Variants in LDB2 observed in about 807,000 individuals in gnomAD.
The protein encoded by LDB2 is LIM domain-binding protein 2.
In LDB2, 12 loss-of-function variants were observed where a neutral mutation model predicts 44.3. The observed-to-expected ratio is 0.27, with a 90% confidence interval of 0.17 to 0.44. The LOEUF is 0.44. Ranked by LOEUF, LDB2 falls within the 20% of genes least tolerant of loss-of-function variation. The pLI is 1.00. For missense variants in LDB2, 344 were observed against 473.5 expected, an observed-to-expected ratio of 0.73 and a Z score of 2.54; for synonymous variants, 164 against 174.8, an observed-to-expected ratio of 0.94 and a Z score of 0.49.
At chr4:16,680,494 G>T (rs1387974944) in intron 2 of LDB2, among the ~76,000 whole-genome samples, 1 of 152,122 alleles carries the variant, frequency 6.6e-6, no homozygotes, top group African/African-American at 2.4e-5. Flanking sequence ...GGGTCCTTAT[G>T]GTATGCAGGG....
intron 2 of LDB2, among the ~76,000 whole-genome samples, chr4:16,696,600 T>C (rs1752184958): frequency 6.6e-6 from 1 of 152,130 alleles, no homozygotes; most frequent in African/African-American, 2.4e-5. Flanking sequence ...AACAGAACCC[T>C]GTCAGCAAAG....
chr4:16,511,838 G>T (rs1237236904), intron 6 of LDB2, 143 bp downstream of exon 6: 38 of 912,394 alleles, frequency 4.2e-5, no homozygotes, highest in Non-Finnish European at 5.7e-5. Flanking sequence ...TTGTCTTTAT[G>T]TCCACAACCA....
chr4:16,502,922 G>A (rs1409028840), intron 7 of LDB2, 49 bp from the exon 8 acceptor site: 2 of 1,607,806 alleles, frequency 1.2e-6, no homozygotes, highest in South Asian at 1.1e-5. Context: ...GGAGAGAGAA[G>A]CTCAGCTTAA....
At chr4:16,742,884 C>G (rs1176857020) in intron 2 of LDB2, among the ~76,000 whole-genome samples, 1 of 152,188 alleles carries the variant, frequency 6.6e-6, no homozygotes, top group African/African-American at 2.4e-5. Context: ...CCCCTCGCCT[C>G]TATTTCTGCC....
chr4:16,614,618 A>C (rs1726683929), intron 2 of LDB2, among the ~76,000 whole-genome samples: 1 of 150,454 alleles, frequency 6.6e-6, no homozygotes, highest in Non-Finnish European at 1.5e-5. Context: ...ACCCCATCAA[A>C]AAAAGTGGGC....
chr4:16,821,292 G>A (rs78081097), intron 1 of LDB2, among the ~76,000 whole-genome samples: 2,689 of 152,178 alleles, frequency 0.018, 89 homozygotes, highest in African/African-American at 0.056. Flanking sequence ...GGTATCAAGA[G>A]TGTTATTTTT....
chr4:16,616,799 T>G lies in LDB2; in HGVS notation c.236-20924A>C, dbSNP rs1456102292. On this transcript the variant is annotated intron_variant, in intron 2 of 7. Coordinates refer to ENST00000304523, the MANE Select transcript of LDB2 (RefSeq NM_001290.5). Reference sequence around the variant, plus strand: ...GTAAAAGTCCCCTGACACCACCCCATGTCAATATAAATGTATTATGTACCT... The same window carrying G: ...GTAAAAGTCCCCTGACACCACCCCAGGTCAATATAAATGTATTATGTACCT... Among the ~76,000 whole-genome samples, 3 of 152,142 alleles carry G rather than the reference T, an allele frequency of 2.0e-5. 1 individual carries two copies. The highest frequency in any genetic ancestry group is 3.9e-4 in the East Asian group (2 of 5,190).
At chr4:16,709,051 C>T (rs1047950334) in intron 2 of LDB2, among the ~76,000 whole-genome samples, 3 of 151,690 alleles carry the variant, frequency 2.0e-5, no homozygotes, top group Non-Finnish European at 4.4e-5. Context: ...ATCTGCTCAG[C>T]ATCAGGCTTG....
Position 16,582,629 on chromosome 4 carries a change from A to G in LDB2, c.615+3293T>C, listed in dbSNP as rs1048657400. On this transcript the variant is annotated intron_variant, in intron 5 of 7. Transcript: ENST00000304523. The surrounding 1 kb of genome is among the most constrained non-coding windows in gnomAD (Gnocchi z 4.8). ...TATCGGAATACCCAACAGCAACAAA[A>G]TAATGACTTCCCCATCCTGCAGGTC... 2.0e-5 allele frequency among the ~76,000 whole-genome samples: 3 copies of G among 152,146 alleles called. No homozygotes were observed. Among genetic ancestry groups the G allele is most frequent in the Non-Finnish European group, 4.4e-5 (3 of 68,022 alleles).
At chr4:16,522,276 T>TTGTGTGTGCGCGTG (rs61400788) in intron 5 of LDB2, among the ~76,000 whole-genome samples, 3 of 150,348 alleles carry the variant, frequency 2.0e-5, no homozygotes, top group Admixed American at 2.0e-4. Context: ...GTGTGTGTGT[T>TTGTGTGTGCGCGTG]TGTGTGTGTG....
At chr4:16,749,585 A>T (rs1351465549) in intron 2 of LDB2, among the ~76,000 whole-genome samples, 3 of 133,130 alleles carry the variant, frequency 2.3e-5, no homozygotes, top group South Asian at 2.6e-4. Context: ...AAAAAATAAA[A>T]AAAAATATAT....
chr4:16,770,506 C>T (rs371837724), intron 1 of LDB2, among the ~76,000 whole-genome samples: 2 of 152,134 alleles, frequency 1.3e-5, no homozygotes, highest in African/African-American at 4.8e-5. Flanking sequence ...CTAGTCCTCA[C>T]AGGCTCTCTA....
intron 5 of LDB2, among the ~76,000 whole-genome samples, chr4:16,534,516 G>C (rs1731125055): frequency 6.6e-6 from 1 of 152,122 alleles, no homozygotes; most frequent in African/African-American, 2.4e-5. Flanking sequence ...CTAGTTCTGA[G>C]TAATGAAAAA....
At chr4:16,586,827 G>A (rs1717152070) in intron 4 of LDB2, among the ~76,000 whole-genome samples, 1 of 152,110 alleles carries the variant, frequency 6.6e-6, no homozygotes, top group Admixed American at 6.5e-5. Context: ...TTCCTTAATT[G>A]ATATAAGCAA....
chr4:16,555,735 A>G (rs1002626297), intron 5 of LDB2, among the ~76,000 whole-genome samples: 2 of 152,172 alleles, frequency 1.3e-5, no homozygotes, highest in African/African-American at 4.8e-5. Context: ...TGACAGATGT[A>G]TCTGCTCTCA....
chr4:16,776,015 G>T (rs1027266071), intron 1 of LDB2, among the ~76,000 whole-genome samples: 1 of 152,186 alleles, frequency 6.6e-6, no homozygotes, highest in Admixed American at 6.5e-5. Context: ...ACTTGCAAGA[G>T]AAAAGAGAGC....
intron 5 of LDB2, among the ~76,000 whole-genome samples, chr4:16,531,051 T>C (rs1355085101): frequency 6.6e-6 from 1 of 152,180 alleles, no homozygotes; most frequent in African/African-American, 2.4e-5. Flanking sequence ...GACCCATAGC[T>C]AGAAAGTAGT....
chr4:16,588,794 A>G lies in LDB2; in HGVS notation c.447T>C (p.Phe149=). The G allele has an allele frequency of 1.2e-6, 2 of 1,613,904 alleles. No homozygotes were observed. Among genetic ancestry groups the G allele is most frequent in the Non-Finnish European group, 1.7e-6 (2 of 1,179,766 alleles). ...ATGTTTTGATTCTCATGAGATCATC[A>G]AAGGTGAACTCCAAGATCAGTCTGC... ...TEGRLILEFT[F]DDLMRIKTWH... Residue 149 remains phenylalanine, a synonymous_variant, in exon 4 of 8, where the codon TTT becomes TTC. Coordinates refer to ENST00000304523, the MANE Select transcript of LDB2 (RefSeq NM_001290.5).
intron 5 of LDB2, among the ~76,000 whole-genome samples, chr4:16,537,458 A>G (rs1016117893): frequency 6.6e-6 from 1 of 152,248 alleles, no homozygotes; most frequent in African/African-American, 2.4e-5. Context: ...AATCCTTAAC[A>G]GTCTCATGAG....
Sources: gnomAD v4.1 joint callset for allele counts (sites outside exome capture counted in the v4.1 genomes callset) on GRCh38, gnomAD v4.1.1 for gene constraint, Gnocchi (gnomAD v3.1) non-coding constraint, MANE v1.5 for transcripts, NCBI Gene and HGNC (gene_info 2026-07-23, HGNC 2026-07-21) for gene names.